The following ATXN1 variants were observed in gnomAD, a reference collection of about 807,000 sequenced individuals.
ATXN1 encodes ataxin 1.
Under a neutral mutation model 56.4 loss-of-function variants are expected in ATXN1, and 8 were observed. That is an observed-to-expected ratio of 0.14 (90% CI 0.08 to 0.26). The LOEUF (loss-of-function observed/expected upper bound fraction) is 0.26, where lower values mean the gene tolerates loss of function less well. ATXN1 is among the 10% of genes least tolerant of loss of function. The pLI is 1.00. For missense variants in ATXN1, 987 were observed against 1,106.5 expected (o/e 0.89, Z 1.53); for synonymous variants, 514 against 494.6 (o/e 1.04, Z -0.52).
At chr6:16,624,318 T>A (rs1763369800) in intron 3 of ATXN1, among the ~76,000 whole-genome samples, 1 of 132,304 alleles carries the variant, frequency 7.6e-6, no homozygotes, top group Non-Finnish European at 1.5e-5. Context: ...ACCATCACAC[T>A]CCAGCCTGGG....
At chr6:16,347,859 C>T (rs1761455630) in intron 6 of ATXN1, among the ~76,000 whole-genome samples, 1 of 152,074 alleles carries the variant, frequency 6.6e-6, no homozygotes, top group Non-Finnish European at 1.5e-5. Context: ...CGATCCCTTT[C>T]CACACTGTGG....
chr6:16,521,425 G>A (rs1761286531), intron 5 of ATXN1, among the ~76,000 whole-genome samples: 1 of 152,172 alleles, frequency 6.6e-6, no homozygotes, highest in Non-Finnish European at 1.5e-5. Context: ...AGGCATGGTG[G>A]CAGGCACCTG....
rs1285697911 is a variant in ATXN1 at position 16,585,855 on chromosome 6, T to G, written c.-436A>C. On this transcript the variant is annotated 5_prime_UTR_variant, in exon 4 of 8. Coordinates refer to ENST00000436367, the MANE Select transcript of ATXN1 (RefSeq NM_001128164.2). ...TGCAGCAGATCTTTTCACGAAGATT[T>G]TGCTTGAGTAGAAAGGGTGGCAGTG... 1 of 152,204 alleles carries G rather than the reference T, an allele frequency of 6.6e-6. No individual in the cohort carries two copies. Among genetic ancestry groups the G allele is most frequent in the Non-Finnish European group, 1.5e-5 (1 of 68,026 alleles). 9.4% of individuals were successfully genotyped at this position (152,204 alleles called of 1,614,324 possible).
intron 3 of ATXN1, among the ~76,000 whole-genome samples, chr6:16,587,344 A>C (rs2113766791): frequency 6.6e-6 from 1 of 152,354 alleles, no homozygotes; most frequent in South Asian, 2.1e-4. Context: ...AAGTAAAGAT[A>C]TGAAAATGAA....
At chr6:16,505,550 A>C (rs536347921) in intron 5 of ATXN1, among the ~76,000 whole-genome samples, 56 of 152,308 alleles carry the variant, frequency 3.7e-4, no homozygotes, top group African/African-American at 1.3e-3. Flanking sequence ...TGAGATTTTG[A>C]AATTTCCCCT....
chr6:16,339,916 G>A (rs1039814160), intron 6 of ATXN1, among the ~76,000 whole-genome samples: 1 of 152,180 alleles, frequency 6.6e-6, no homozygotes, highest in African/African-American at 2.4e-5. Flanking sequence ...CCAAGAAGCT[G>A]GGACTACAGG....
intron 2 of ATXN1, among the ~76,000 whole-genome samples, chr6:16,677,073 A>G (rs2113392180): frequency 6.6e-6 from 1 of 152,286 alleles, no homozygotes; most frequent in Admixed American, 6.5e-5. Context: ...ACTGCGAGCA[A>G]AGCACCATGG....
intron 3 of ATXN1, among the ~76,000 whole-genome samples, chr6:16,645,955 C>T (rs1438126235): frequency 6.6e-6 from 1 of 152,174 alleles, no homozygotes; most frequent in Non-Finnish European, 1.5e-5. Flanking sequence ...TGTGGTGGCA[C>T]ATGCCCATAA....
At chr6:16,325,405 A>C (rs1440340506) in intron 7 of ATXN1, among the ~76,000 whole-genome samples, 1 of 152,114 alleles carries the variant, frequency 6.6e-6, no homozygotes, top group Non-Finnish European at 1.5e-5. Flanking sequence ...GGTGTGAGCC[A>C]CTGTGCCCAG....
intron 2 of ATXN1, among the ~76,000 whole-genome samples, chr6:16,744,246 C>T (rs755547359): frequency 2.0e-4 from 30 of 152,114 alleles, no homozygotes; most frequent in South Asian, 2.1e-4. Flanking sequence ...GAGCTATCCC[C>T]GGAGAAGAGC....
intron 2 of ATXN1, among the ~76,000 whole-genome samples, chr6:16,663,215 C>A (rs1011908869): frequency 1.5e-4 from 23 of 151,758 alleles, no homozygotes; most frequent in African/African-American, 5.6e-4. Flanking sequence ...GTGATCCACC[C>A]ACCTCGGCCT....
intron 6 of ATXN1, among the ~76,000 whole-genome samples, chr6:16,408,078 C>T (rs907713542): frequency 6.6e-6 from 1 of 152,114 alleles, no homozygotes; most frequent in African/African-American, 2.4e-5. Context: ...TCTACCAACC[C>T]AGCCCCTTGG....
chr6:16,678,254 T>C (rs1311859383), intron 2 of ATXN1, among the ~76,000 whole-genome samples: 2 of 87,398 alleles, frequency 2.3e-5, no homozygotes, highest in Non-Finnish European at 2.4e-5. Flanking sequence ...ACTTCTTGGA[T>C]ATCTATTTTA....
chr6:16,338,107 A>G (rs1761166057), intron 6 of ATXN1, among the ~76,000 whole-genome samples: 1 of 152,242 alleles, frequency 6.6e-6, no homozygotes. Flanking sequence ...CTAAGGACAC[A>G]CAGAATTGTA....
At chr6:16,459,436 C>T (rs1036190168) in intron 6 of ATXN1, among the ~76,000 whole-genome samples, 2 of 152,148 alleles carry the variant, frequency 1.3e-5, no homozygotes, top group African/African-American at 4.8e-5. Context: ...AATGCAGTAG[C>T]CCCTGCAACA....
At chr6:16,461,913 T>G (rs1473336052) in intron 6 of ATXN1, among the ~76,000 whole-genome samples, 4 of 152,208 alleles carry the variant, frequency 2.6e-5, no homozygotes, top group African/African-American at 9.6e-5. Flanking sequence ...ATGGCCTTGT[T>G]GAGAATCCAA....
rs1581674019 is a variant in ATXN1, at chr6:16,300,843, CT to C, written c.*5485del. On this transcript the variant is annotated 3_prime_UTR_variant, in exon 8 of 8. Coordinates refer to ENST00000436367, the MANE Select transcript of ATXN1 (RefSeq NM_001128164.2). ...AGTTGCAATGGCTTAAGAGTTTAGA[CT>C]AAGAAGGGAGCTCAGAGAAGTACTT... 1.3e-5 allele frequency: 2 copies of C among 152,550 alleles called. No individual in the cohort carries two copies. The highest frequency in any genetic ancestry group is 4.8e-5 in the African/African-American group (2 of 41,448). The allele number at this position is 152,550 out of a possible 1,614,324, so 9.4% of individuals were successfully genotyped here.
At chr6:16,645,078 C>T (rs1378015690) in intron 3 of ATXN1, among the ~76,000 whole-genome samples, 1 of 152,146 alleles carries the variant, frequency 6.6e-6, no homozygotes, top group Non-Finnish European at 1.5e-5. Context: ...AATGTCATTC[C>T]AAATTCCAGG....
chr6:16,642,225 C>G (rs1046169312), intron 3 of ATXN1, among the ~76,000 whole-genome samples: 23 of 152,148 alleles, frequency 1.5e-4, no homozygotes, highest in African/African-American at 5.6e-4. Flanking sequence ...TGAAACCCAT[C>G]TCTACTAAAA....
Sources: allele counts gnomAD v4.1 joint callset (sites outside exome capture counted in the v4.1 genomes callset), GRCh38; gene constraint gnomAD v4.1.1; transcripts MANE v1.5; gene names NCBI Gene and HGNC (gene_info 2026-07-23, HGNC 2026-07-21).